Variants in ABCA7 observed in about 807,000 individuals in gnomAD.
The protein encoded by ABCA7 is ATP binding cassette subfamily A member 7, also known as phospholipid-transporting ATPase ABCA7.
A neutral mutation model predicts 227.6 loss-of-function variants in ABCA7; 261 were observed. That is an observed-to-expected ratio of 1.15 (90% CI 1.04 to 1.27). The LOEUF is 1.27. ABCA7 is among the 50% of genes most tolerant of loss of function. The pLI, the probability that ABCA7 is intolerant of heterozygous loss-of-function variation, is 0.00. For synonymous variants in ABCA7, 1,488 were observed against 1,279.7 expected, an observed-to-expected ratio of 1.16 and a Z score of -3.47; for missense variants, 3,331 against 2,924.5, an observed-to-expected ratio of 1.14 and a Z score of -3.21.
chr19:1,044,978 A>G (rs2040468365), intron 11 of ABCA7, 24 bp from the exon 12 acceptor site: 1 of 1,610,068 alleles, frequency 6.2e-7, no homozygotes, highest in Non-Finnish European at 8.5e-7. Flanking sequence ...CCCAGCGCCT[A>G]GGACTCACCC....
At chr19:1,050,793 ATAATAATAATAAT>A (rs1413672455) in intron 18 of ABCA7, 115 bp from the exon 19 acceptor site, 6 of 179,560 alleles carry the variant, frequency 3.3e-5, no homozygotes, top group Non-Finnish European at 4.2e-5. Context: ...AATAATAATA[ATAATAATAATAAT>A]AATAATAATA....
chr19:1,043,983 G>A, intron 10 of ABCA7, 142 bp downstream of exon 10: 2 of 717,142 alleles, frequency 2.8e-6, no homozygotes, highest in South Asian at 1.7e-5. Context: ...TGTCGCCCAA[G>A]CTGGAATGCA....
intron 1 of ABCA7, 21 bp from the exon 2 acceptor site, chr19:1,041,204 T>G (rs1442233065): frequency 1.3e-6 from 1 of 762,868 alleles, no homozygotes; most frequent in Admixed American, 1.9e-5. Context: ...GAGTGACTAC[T>G]GTTTGCCTCG....
intron 40 of ABCA7, among the ~76,000 whole-genome samples, chr19:1,059,497 C>A (rs1234699501): frequency 6.6e-6 from 1 of 151,132 alleles, no homozygotes. Flanking sequence ...CATCTCCTGA[C>A]CTCGTGATCC....
intron 40 of ABCA7, among the ~76,000 whole-genome samples, chr19:1,060,287 C>T (rs2042572609): frequency 6.6e-6 from 1 of 151,626 alleles, no homozygotes; most frequent in African/African-American, 2.4e-5. Flanking sequence ...TCTTGGCTCA[C>T]GGTAACCTCC....
Position 1,045,126 on chromosome 19 carries a change from C to A in ABCA7, c.1340C>A (p.Ser447Ter), listed in dbSNP as rs765610100. Residue 447 changes from serine to a stop codon, truncating the protein, a stop_gained, in exon 12 of 47, where the codon TCA becomes TAA. Coordinates refer to ENST00000263094, the MANE Select transcript of ABCA7 (RefSeq NM_019112.4). LOFTEE classifies it high-confidence loss of function. ...GTCTTCTTGGGACCTGAGGACTCTT[C>A]AGACCCCACAGAGCACCCAACCCCA... ...GVVFLGPEDS[S>*]DPTEHPTPDL... The A allele has an allele frequency of 8.7e-6, 14 of 1,612,972 alleles. No individual in the cohort carries two copies. The East Asian group carries it at 2.7e-4, about 31-fold the overall frequency.
At chr19:1,059,826 T>C (rs539709480) in intron 40 of ABCA7, among the ~76,000 whole-genome samples, 3 of 152,258 alleles carry the variant, frequency 2.0e-5, no homozygotes, top group African/African-American at 7.2e-5. Flanking sequence ...CCTCCCAAAG[T>C]GCTGGGATTA....
Position 1,062,643 on chromosome 19 carries a change from C to T in ABCA7, c.5712+330C>T, listed in dbSNP as rs146624468. Reference sequence around the variant, plus strand: ...CTCTTCTGCCTACCCCCTAGGGCTTCGCGCCTTTCTCGCTGGGGTCACGGT... The same window carrying T: ...CTCTTCTGCCTACCCCCTAGGGCTTTGCGCCTTTCTCGCTGGGGTCACGGT... On this transcript the variant is annotated intron_variant, in intron 42 of 46. Transcript: ENST00000263094. Among the ~76,000 whole-genome samples the T allele has an allele frequency of 4.8e-3, 728 of 152,096 alleles. 3 individuals are homozygous for T. The highest frequency in any genetic ancestry group is 0.017 in the African/African-American group (695 of 41,464).
At chr19:1,046,590 G>A (rs1028072582) in intron 13 of ABCA7, among the ~76,000 whole-genome samples, 184 bp downstream of exon 13, 1 of 151,470 alleles carries the variant, frequency 6.6e-6, no homozygotes, top group African/African-American at 2.4e-5. Flanking sequence ...TGGGGGGGGG[G>A]ACTCTGAGGG....
At chr19:1,049,082 C>G (rs1315387876) in intron 17 of ABCA7, 77 bp downstream of exon 17, 8 of 951,478 alleles carry the variant, frequency 8.4e-6, no homozygotes, top group Non-Finnish European at 1.3e-5. Flanking sequence ...CCACAGATGC[C>G]AATGACAATG....
Position 1,055,298 on chromosome 19 carries a change from C to A in ABCA7, c.4152C>A (p.Gly1384=). 1 of 1,604,514 alleles carries A rather than the reference C, an allele frequency of 6.2e-7. No individual in the cohort carries two copies. ...GGGAAGTGGTTCAGAACCTGACAGGCCGGAACCTGTCTGACTTCCTGGTCA... is the reference window on the plus strand; with the variant it reads ...GGGAAGTGGTTCAGAACCTGACAGGACGGAACCTGTCTGACTTCCTGGTCA... ...GSGEVVQNLT[G]RNLSDFLVKT... Residue 1384 remains glycine, a synonymous_variant, in exon 30 of 47, where the codon GGC becomes GGA. Coordinates refer to ENST00000263094, the MANE Select transcript of ABCA7 (RefSeq NM_019112.4).
At chr19:1,048,583 G>A (rs2040990590) in intron 16 of ABCA7, among the ~76,000 whole-genome samples, 1 of 151,352 alleles carries the variant, frequency 6.6e-6, no homozygotes, top group East Asian at 1.9e-4. Flanking sequence ...GCCGAGGTGG[G>A]CAGATCACGA....
In ABCA7 at chr19:1,063,955, T is replaced by G; in HGVS notation, c.5951+92T>G. 7 of 1,432,308 alleles carry G rather than the reference T, an allele frequency of 4.9e-6. 1 individual carries two copies. The South Asian group carries it at 8.4e-5, about 17-fold the overall frequency. The allele number at this position is 1,432,308 out of a possible 1,614,324, so 88.7% of individuals were successfully genotyped here. A position where few individuals can be genotyped will look rare whatever the true frequency, so the allele number is the denominator to read the frequency against. ...GCACAAGGCCACAGGGGATGGGGGG[T>G]CCTGGCCCTAGTGGGGCGAGGGCGC... is the stretch of plus-strand genomic sequence containing the variant. On this transcript the variant is annotated intron_variant, in intron 44 of 46. Transcript: ENST00000263094.
intron 40 of ABCA7, among the ~76,000 whole-genome samples, chr19:1,060,249 T>C (rs2042570825): frequency 3.3e-5 from 5 of 151,530 alleles, no homozygotes; most frequent in Admixed American, 3.3e-4. Context: ...AGTCTCACTG[T>C]CACCCAGCTT....
At chr19:1,053,192 C>A in intron 23 of ABCA7, 137 bp from the exon 24 acceptor site, 1 of 897,028 alleles carries the variant, frequency 1.1e-6, no homozygotes, top group Non-Finnish European at 1.7e-6. Flanking sequence ...TGCGCCCGGC[C>A]GCACCTGGCC....
chr19:1,052,210 G>T lies in ABCA7; in HGVS notation c.3148-4G>T, dbSNP rs142077993. 4 of 1,588,844 alleles carry T rather than the reference G, an allele frequency of 2.5e-6. No individual in the cohort carries two copies. Among genetic ancestry groups the T allele is most frequent in the African/African-American group, 2.7e-5 (2 of 73,522 alleles). On this transcript the variant is annotated splice_region_variant and splice_polypyrimidine_tract_variant and intron_variant, in intron 22 of 46. Coordinates refer to ENST00000263094, the MANE Select transcript of ABCA7 (RefSeq NM_019112.4). ...CAAGCCACTTGGTGCCTCTCTGCCCGCAGGCTGACACTGACATGGAGGGCA... is the reference window on the plus strand; with the variant it reads ...CAAGCCACTTGGTGCCTCTCTGCCCTCAGGCTGACACTGACATGGAGGGCA...
Position 1,054,377 on chromosome 19 carries a change from TC to T in ABCA7, c.3726+39del, listed in dbSNP as rs2042056847. On this transcript the variant is annotated intron_variant, in intron 27 of 46. Transcript: ENST00000263094. The surrounding 1 kb of genome is among the most constrained non-coding windows in gnomAD (Gnocchi z 4.8). ...CTAGCACCAGGGAGTCGCATGGGAG[TC>T]CCTGAGTTCCCTACCCTGGCCGTCC... The T allele has an allele frequency of 6.4e-7, 1 of 1,567,766 alleles. No homozygotes were observed. The highest frequency in any genetic ancestry group is 2.3e-5 in the East Asian group (1 of 44,376).
At chr19:1,040,689 CTCTT>C (rs1245487131) in intron 1 of ABCA7, among the ~76,000 whole-genome samples, 1 of 152,166 alleles carries the variant, frequency 6.6e-6, no homozygotes, top group Non-Finnish European at 1.5e-5. Context: ...CTTCGCCTGA[CTCTT>C]TCTCTGGCTC....
At chr19:1,042,553 CAG>C (rs1466819499) in intron 6 of ABCA7, 156 bp downstream of exon 6, 2 of 1,076,692 alleles carry the variant, frequency 1.9e-6, no homozygotes, top group East Asian at 5.1e-5. Flanking sequence ...GGCCCCCAGA[CAG>C]AGTGTGTCTG....
Sources: allele counts gnomAD v4.1 joint callset (sites outside exome capture counted in the v4.1 genomes callset), GRCh38; gene constraint gnomAD v4.1.1; non-coding constraint Gnocchi (gnomAD v3.1); transcripts MANE v1.5; gene names NCBI Gene and HGNC (gene_info 2026-07-23, HGNC 2026-07-21).